L1CAM: variants seen among roughly 807,000 people sequenced by gnomAD.
L1CAM encodes the protein L1 cell adhesion molecule, also known as neural cell adhesion molecule L1.
In L1CAM, 8 loss-of-function variants were observed where a neutral mutation model predicts 93.0. The observed-to-expected ratio is 0.09, with a 90% CI of 0.05 to 0.16. L1CAM has a LOEUF of 0.16. L1CAM is among the 10% of genes least tolerant of loss of function. The probability of loss-of-function intolerance (pLI) is 1.00; values close to 1 mark genes in which losing one functional copy is unlikely to be tolerated. For synonymous variants in L1CAM, 453 were observed against 453.0 expected (o/e 1.00, Z 0.00); for missense variants, 777 against 1,073.4 (o/e 0.72, Z 3.86).
In L1CAM at chrX:153,881,960, A is replaced by C. The variant is rs975318408; in HGVS notation, c.-109+4105T>G. ...GGGCTTCAGCGGCCAGGCCAGAAGG[A>C]ACAGACTGCATCCAGTTCCTGGGGC... On this transcript the variant is annotated intron_variant, in intron 1 of 28. Transcript: ENST00000370060. 9.8e-5 allele frequency among the ~76,000 whole-genome samples: 11 copies of C among 112,173 alleles called. No individual in the cohort carries two copies. In the East Asian group the frequency reaches 2.5e-3, roughly 26 times the overall value.
rs202154173 is a variant in L1CAM, at chrX:153,868,555, C to T, written c.1546+6G>A. The T allele has an allele frequency of 6.6e-6, 8 of 1,211,204 alleles. No individual in the cohort carries two copies. Among genetic ancestry groups the T allele is most frequent in the Non-Finnish European group, 6.7e-6 (6 of 895,421 alleles). On this transcript the variant is annotated splice_donor_region_variant and intron_variant, in intron 13 of 28. Coordinates refer to ENST00000370060, the MANE Select transcript of L1CAM (RefSeq NM_001278116.2). ...ACTGCCAGCCATGTGGCAAGGGTTG[C>T]CTGACCTTTAACCTTCAGGTTAGCC...
chrX:153,871,266 G>GC, intron 5 of L1CAM, 87 bp from the exon 6 acceptor site: 1 of 490,627 alleles, frequency 2.0e-6, no homozygotes, highest in Non-Finnish European at 3.5e-6. Context: ...GGGGTGGCGG[G>GC]CTACACCAGG....
At chrX:153,873,328 T>C in intron 2 of L1CAM, 86 bp from the exon 3 acceptor site, 1 of 980,001 alleles carries the variant, frequency 1.0e-6, no homozygotes, top group Non-Finnish European at 1.5e-6. Flanking sequence ...GCAGGGGACA[T>C]AGTAAGCTCC....
intron 1 of L1CAM, among the ~76,000 whole-genome samples, chrX:153,876,789 T>C: frequency 9.1e-6 from 1 of 109,683 alleles, no homozygotes; most frequent in Non-Finnish European, 1.9e-5. Context: ...AGGTTGGGAG[T>C]TTGAGACCAG....
chrX:153,885,302 G>C (rs1557096668), intron 1 of L1CAM: 11 of 749,679 alleles, frequency 1.5e-5, no homozygotes, highest in Non-Finnish European at 1.3e-5. Flanking sequence ...ACCCATGCAC[G>C]GGAGGCACAG....
intron 1 of L1CAM, among the ~76,000 whole-genome samples, chrX:153,878,110 C>T (rs1569545096): frequency 8.9e-6 from 1 of 112,531 alleles, no homozygotes; most frequent in Non-Finnish European, 1.9e-5. Context: ...TGTTAGGTGA[C>T]AGAGCTTGGA....
At chrX:153,871,023 C>G (rs199754606) in intron 6 of L1CAM, 34 bp downstream of exon 6, 15 of 1,208,975 alleles carry the variant, frequency 1.2e-5, no homozygotes, top group Non-Finnish European at 1.6e-5. Context: ...GCTAACACCC[C>G]GACCCCACGA....
At chrX:153,870,317 G>A in intron 8 of L1CAM, 71 bp downstream of exon 8, 1 of 1,177,096 alleles carries the variant, frequency 8.5e-7, no homozygotes. Flanking sequence ...ATACCCCGCG[G>A]TGGTCTGAGC....
chrX:153,868,740 G>C lies in L1CAM; in HGVS notation c.1380-13C>G, dbSNP rs1004712986. Reference sequence around the variant, plus strand: ...ATCCTCGTCCAGCCTGGAGGGAGCAGGGCGGGCCTGGCTCTGACTGGCTGG... The same window carrying C: ...ATCCTCGTCCAGCCTGGAGGGAGCACGGCGGGCCTGGCTCTGACTGGCTGG... On this transcript the variant is annotated splice_polypyrimidine_tract_variant and intron_variant, in intron 12 of 28. Coordinates refer to ENST00000370060, the MANE Select transcript of L1CAM (RefSeq NM_001278116.2). 2.5e-6 allele frequency: 3 copies of C among 1,210,032 alleles called. No homozygotes were observed. The highest frequency in any genetic ancestry group is 3.0e-5 in the East Asian group (1 of 33,766).
chrX:153,873,653 G>A (rs782096993), intron 2 of L1CAM, among the ~76,000 whole-genome samples: 5 of 112,631 alleles, frequency 4.4e-5, no homozygotes, highest in South Asian at 3.6e-4. Context: ...GGAAGGCACC[G>A]TCCCCTGCTC....
At position 153,868,631 on chromosome X, in the gene L1CAM, G is replaced by A. The variant is rs150805225; in HGVS notation, c.1476C>T (p.Thr492=). ...LGIRDLQAND[T]GRYFCLAAND... ...TGGCAGCCAGGCAGAAGTAGCGTCC[G>A]GTGTCATTGGCCTGGAGGTCTCGAA... The change falls in exon 13 of 29, where the codon ACC becomes ACT. Residue 492 remains threonine, a synonymous_variant. Coordinates refer to ENST00000370060, the MANE Select transcript of L1CAM (RefSeq NM_001278116.2). 2.1e-5 allele frequency: 25 copies of A among 1,210,496 alleles called. No individual in the cohort carries two copies. Among genetic ancestry groups the A allele is most frequent in the East Asian group, 1.2e-4 (4 of 33,774 alleles).
Position 153,875,779 on chromosome X carries a change from T to G in L1CAM, c.58A>C (p.Ile20Leu), listed in dbSNP as rs1311732412. Residue 20 changes from isoleucine (I) to leucine (L), a missense_variant, in exon 2 of 29, where the codon ATC becomes CTC. Around this residue, in one of 5 missense-constraint regions of L1CAM, gnomAD observed 574 missense variants for 781.0 expected, o/e 0.73. Coordinates refer to ENST00000370060, the MANE Select transcript of L1CAM (RefSeq NM_001278116.2). Reference protein sequence around the residue: ...PLLLCSPCLLIQIPEEYEGHH... With the variant: ...PLLLCSPCLLLQIPEEYEGHH... Reference sequence around the variant, plus strand: ...TACTCACATTCCTCGGGGATCTGGATAAGCAGGCAGGGGCTGCAGAGGAGG... The same window carrying G: ...TACTCACATTCCTCGGGGATCTGGAGAAGCAGGCAGGGGCTGCAGAGGAGG... 1.7e-6 allele frequency: 2 copies of G among 1,208,919 alleles called. No homozygotes were observed. The highest frequency in any genetic ancestry group is 3.5e-5 in the African/African-American group (2 of 57,075).
At chrX:153,869,183 C>A (rs1406585777) in intron 11 of L1CAM, 12 of 451,618 alleles carry the variant, frequency 2.7e-5, no homozygotes, top group African/African-American at 1.4e-4. Context: ...TTATTCCAGG[C>A]CTAACTGACA....
chrX:153,871,501 G>A (rs1438294826), intron 5 of L1CAM, among the ~76,000 whole-genome samples: 3 of 109,794 alleles, frequency 2.7e-5, no homozygotes, highest in Admixed American at 9.7e-5. Context: ...GTGCAGTGAT[G>A]GGGGAGGGGA....
Position 153,865,421 on chromosome X carries a change from T to C in L1CAM, c.2627A>G (p.Asn876Ser), listed in dbSNP as rs782607820. ...IHKDHVVVPA[N>S]TTSVILSGLR... ...GCCACTGAGGATGACACTGGTGGTG[T>C]TGGCGGGCACCACCACATGGTCTTT... Residue 876 changes from asparagine to serine, a missense_variant, in exon 21 of 29, where the codon AAC becomes AGC. Physicochemically the swap from Asn to Ser is conservative, Grantham distance 46. Around this residue, in one of 5 missense-constraint regions of L1CAM, gnomAD observed 574 missense variants for 781.0 expected, o/e 0.73. Transcript: ENST00000370060. 1.7e-6 allele frequency: 2 copies of C among 1,209,828 alleles called. No homozygotes were observed. The highest frequency in any genetic ancestry group is 2.2e-6 in the Non-Finnish European group (2 of 893,841).
intron 4 of L1CAM, 35 bp from the exon 5 acceptor site, chrX:153,872,389 C>T: frequency 8.5e-7 from 1 of 1,176,924 alleles, no homozygotes; most frequent in Non-Finnish European, 1.2e-6. Flanking sequence ...GCCTGAGGCC[C>T]TGGAACCCAA....
Position 153,869,547 on chromosome X carries a change from G to A in L1CAM, c.1240C>T (p.Leu414=). The part of the protein sequence containing the change: ...CEARNRHGLL[L]ANAYIYVVQL... ...ACAACGTAGATGTAGGCATTGGCCA[G>A]CAAGAGCCCGTGCCGGTTGCGGGCC... The change falls in exon 11 of 29, where the codon CTG becomes TTG. Residue 414 remains leucine (L), a synonymous_variant. Transcript: ENST00000370060. The A allele has an allele frequency of 8.3e-7, 1 of 1,211,059 alleles. No homozygotes were observed. Among genetic ancestry groups the A allele is most frequent in the South Asian group, 1.8e-5 (1 of 56,652 alleles).
chrX:153,866,884 A>G lies in L1CAM; in HGVS notation c.2209-13T>C. 1 of 1,200,408 alleles carries G rather than the reference A, an allele frequency of 8.3e-7. No individual in the cohort carries two copies. The highest frequency in any genetic ancestry group is 1.1e-6 in the Non-Finnish European group (1 of 886,223). ...TCCACCGGAGCGGCTGGAGGAGGCC[A>G]GCAGAAGAGGAGTTGGTTGGCCAAG... On this transcript the variant is annotated splice_polypyrimidine_tract_variant and intron_variant, in intron 18 of 28. Coordinates refer to ENST00000370060, the MANE Select transcript of L1CAM (RefSeq NM_001278116.2).
chrX:153,875,764 C>T lies in L1CAM; in HGVS notation c.73G>A (p.Glu25Lys), dbSNP rs1335792529. ...CAGGCTCCCTTCAGCTACTCACATT[C>T]CTCGGGGATCTGGATAAGCAGGCAG... The part of the protein sequence containing the change: ...SPCLLIQIPE[E>K]YEGHHVMEPP... Residue 25 changes from glutamate to lysine, a missense_variant, in exon 2 of 29, where the codon GAA becomes AAA. Physicochemically the swap from Glu to Lys is moderately conservative, Grantham distance 56. Coordinates refer to ENST00000370060, the MANE Select transcript of L1CAM (RefSeq NM_001278116.2). 8.3e-7 allele frequency: 1 copy of T among 1,208,318 alleles called. No homozygotes were observed. The highest frequency in any genetic ancestry group is 1.7e-5 in the African/African-American group (1 of 57,180).
Sources: gnomAD v4.1 joint callset for allele counts (sites outside exome capture counted in the v4.1 genomes callset) on GRCh38, gnomAD v4.1.1 for gene constraint, gnomAD v4.1.1 regional missense constraint, MANE v1.5 for transcripts, NCBI Gene and HGNC (gene_info 2026-07-23, HGNC 2026-07-21) for gene names.